The following ZNF438 variants were observed in gnomAD, a reference collection of about 807,000 sequenced individuals.
ZNF438 encodes the protein zinc finger protein 438.
A neutral mutation model predicts 38.0 loss-of-function variants in ZNF438; 25 were observed. The ratio of observed to expected loss-of-function variants is 0.66; its 90% CI spans 0.48 to 0.92. ZNF438 has a LOEUF of 0.92. Ranked by LOEUF, ZNF438 falls within the 40% of genes least tolerant of loss-of-function variation. ZNF438 has a pLI of 0.00. For missense variants in ZNF438, 1,007 were observed against 999.6 expected, an observed-to-expected ratio of 1.01 and a Z score of -0.10; for synonymous variants, 372 against 364.1, an observed-to-expected ratio of 1.02 and a Z score of -0.25.
At position 30,882,421 on chromosome 10, in the gene ZNF438, C is replaced by A. The variant is rs138830746; in HGVS notation, c.-31-5356G>T. ...AAACTTGTACAAAGAATGTTCACAG[C>A]AGCTATATTTGTAGTAGTTCCAAGC... On this transcript the variant is annotated intron_variant, in intron 3 of 5. Transcript: ENST00000413025. Among the ~76,000 whole-genome samples, 565 of 152,266 alleles carry A rather than the reference C, an allele frequency of 3.7e-3. 4 individuals are homozygous for A. Among genetic ancestry groups the A allele is most frequent in the Admixed American group, 9.1e-3 (139 of 15,296 alleles).
intron 2 of ZNF438, chr10:30,920,947 A>AT (rs572123773): frequency 3.9e-4 from 60 of 152,340 alleles, no homozygotes; most frequent in African/African-American, 1.3e-3. Flanking sequence ...GGGGTGTTAT[A>AT]TTTCACTTTT....
chr10:30,895,986 ATT>A (rs1210602291), intron 3 of ZNF438, among the ~76,000 whole-genome samples: 1 of 152,178 alleles, frequency 6.6e-6, no homozygotes, highest in African/African-American at 2.4e-5. Flanking sequence ...TGGTCTAGCA[ATT>A]CCACATCTGT....
intron 3 of ZNF438, among the ~76,000 whole-genome samples, chr10:30,883,051 T>C (rs544267394): frequency 6.6e-6 from 1 of 152,308 alleles, no homozygotes; most frequent in South Asian, 2.1e-4. Flanking sequence ...AACAATGAGA[T>C]AATGCTCTAC....
At chr10:30,948,413 G>A (rs1282412973) in intron 1 of ZNF438, among the ~76,000 whole-genome samples, 6 of 152,174 alleles carry the variant, frequency 3.9e-5, no homozygotes, top group African/African-American at 9.7e-5. Context: ...TGACTTCGAC[G>A]AGCTGAGAGA....
intron 4 of ZNF438, among the ~76,000 whole-genome samples, chr10:30,865,845 C>T (rs774533923): frequency 2.0e-5 from 3 of 152,118 alleles, no homozygotes; most frequent in Non-Finnish European, 2.9e-5. Flanking sequence ...CCTTCCTGGC[C>T]GTAGTTTCCT....
chr10:30,964,078 G>C (rs1181583144), intron 1 of ZNF438, among the ~76,000 whole-genome samples: 1 of 152,150 alleles, frequency 6.6e-6, no homozygotes, highest in Non-Finnish European at 1.5e-5. Context: ...AAGCTTTTCT[G>C]AAATTCTACT....
intron 1 of ZNF438, among the ~76,000 whole-genome samples, chr10:31,011,898 G>GT (rs2055738557): frequency 6.6e-6 from 1 of 152,120 alleles, no homozygotes; most frequent in African/African-American, 2.4e-5. Flanking sequence ...TGGCCCTAAT[G>GT]TATCATGGCC....
At chr10:30,934,495 T>C (rs1435555304) in intron 2 of ZNF438, among the ~76,000 whole-genome samples, 1 of 152,250 alleles carries the variant, frequency 6.6e-6, no homozygotes, top group Non-Finnish European at 1.5e-5. Context: ...TGTATACATA[T>C]ATTTGAAGCA....
intron 2 of ZNF438, among the ~76,000 whole-genome samples, chr10:30,931,020 C>G (rs1327666526): frequency 6.6e-6 from 1 of 152,078 alleles, no homozygotes; most frequent in Non-Finnish European, 1.5e-5. Context: ...CTGGGCTATG[C>G]CCCTCTACTG....
At chr10:31,005,278 T>C (rs1368197310) in intron 1 of ZNF438, among the ~76,000 whole-genome samples, 1 of 152,202 alleles carries the variant, frequency 6.6e-6, no homozygotes. Context: ...CATATGTGTG[T>C]GTGTATATAT....
At chr10:30,936,627 T>C (rs990117100) in intron 2 of ZNF438, among the ~76,000 whole-genome samples, 1 of 152,140 alleles carries the variant, frequency 6.6e-6, no homozygotes, top group Non-Finnish European at 1.5e-5. Context: ...TGAGCTGAGA[T>C]TGCGCCATCG....
chr10:30,934,341 C>T (rs1397585479), intron 2 of ZNF438, among the ~76,000 whole-genome samples: 1 of 152,062 alleles, frequency 6.6e-6, no homozygotes. Flanking sequence ...TTTGGTGTCC[C>T]ATGTAGAAAA....
chr10:31,020,161 T>G (rs1321394414), intron 1 of ZNF438, among the ~76,000 whole-genome samples: 2 of 152,190 alleles, frequency 1.3e-5, no homozygotes, highest in Admixed American at 6.5e-5. Flanking sequence ...ATAATGCTAG[T>G]AACCATATTC....
At chr10:31,004,753 G>A (rs2054965227) in intron 1 of ZNF438, among the ~76,000 whole-genome samples, 1 of 152,134 alleles carries the variant, frequency 6.6e-6, no homozygotes, top group South Asian at 2.1e-4. Flanking sequence ...AAGCATCTAG[G>A]CTGGATAAGG....
intron 1 of ZNF438, among the ~76,000 whole-genome samples, chr10:30,969,427 T>G (rs185268877): frequency 2.2e-4 from 34 of 151,870 alleles, no homozygotes; most frequent in Admixed American, 2.2e-3. Context: ...GTTAATTTCT[T>G]GAACACTGAA....
At chr10:30,887,442 G>A (rs1050673993) in intron 3 of ZNF438, among the ~76,000 whole-genome samples, 7 of 151,738 alleles carry the variant, frequency 4.6e-5, no homozygotes, top group South Asian at 2.1e-4. Flanking sequence ...GTGAGGTCTC[G>A]GCTCACTGTA....
chr10:30,948,414 A>C (rs1207412016), intron 1 of ZNF438, among the ~76,000 whole-genome samples: 1 of 152,222 alleles, frequency 6.6e-6, no homozygotes, highest in Admixed American at 6.5e-5. Flanking sequence ...GACTTCGACG[A>C]GCTGAGAGAA....
chr10:30,997,610 G>C (rs141873193), intron 1 of ZNF438, among the ~76,000 whole-genome samples: 1,889 of 151,410 alleles, frequency 0.012, 17 homozygotes, highest in South Asian at 0.024. Context: ...AGGAGTGAAG[G>C]GCCATGAATC....
intron 3 of ZNF438, among the ~76,000 whole-genome samples, chr10:30,903,919 ATCAATAAAGAT>A (rs2042313322): frequency 6.6e-6 from 1 of 152,066 alleles, no homozygotes; most frequent in Admixed American, 6.6e-5. Flanking sequence ...AATCTTGAGA[ATCAATAAAGAT>A]GGAAAGGAGA....
Sources: allele counts gnomAD v4.1 joint callset (sites outside exome capture counted in the v4.1 genomes callset), GRCh38; gene constraint gnomAD v4.1.1; transcripts MANE v1.5; gene names NCBI Gene and HGNC (gene_info 2026-07-23, HGNC 2026-07-21).